ZNF705G: variants seen among roughly 807,000 people sequenced by gnomAD.
The protein encoded by ZNF705G is putative zinc finger protein 705G.
ZNF705G carries 23 observed loss-of-function variants against 19.6 expected under a neutral mutation model. The observed-to-expected ratio is 1.17, with a 90% confidence interval of 0.84 to 1.66. ZNF705G has a LOEUF of 1.66. ZNF705G is among the 40% of genes most tolerant of loss of function. ZNF705G has a pLI of 0.00. For missense variants in ZNF705G, 457 were observed against 354.4 expected, an observed-to-expected ratio of 1.29 and a Z score of -2.32; for synonymous variants, 146 against 117.7, an observed-to-expected ratio of 1.24 and a Z score of -1.56.
In ZNF705G at chr8:7,358,672, G is replaced by T. The variant is rs531021841; in HGVS notation, c.319-112C>A. 329 of 1,503,722 alleles carry T rather than the reference G, an allele frequency of 2.2e-4. 3 individuals carry two copies. Among genetic ancestry groups the T allele is most frequent in the South Asian group, 1.4e-3 (106 of 76,654 alleles). 93.1% of individuals were successfully genotyped at this position (1,503,722 alleles called of 1,614,324 possible). A position where few individuals can be genotyped will look rare whatever the true frequency, so the allele number is the denominator to read the frequency against. The stretch of plus-strand genomic sequence containing the variant: ...ATTCAGTGGTAGACCCCAGTTGAAA[G>T]CTTTCCAATGTTTCTTGTGTGAAAG... On this transcript the variant is annotated intron_variant, in intron 6 of 6. Coordinates refer to ENST00000400156, the MANE Select transcript of ZNF705G (RefSeq NM_001164457.3).
intron 2 of ZNF705G, among the ~76,000 whole-genome samples, chr8:7,372,086 A>C (rs2128843516): frequency 8.0e-6 from 1 of 125,612 alleles, no homozygotes; most frequent in South Asian, 3.1e-4. Context: ...AATAATAAGC[A>C]ATGAAAATAA....
intron 3 of ZNF705G, among the ~76,000 whole-genome samples, chr8:7,362,582 T>C (rs1806652663): frequency 6.7e-6 from 1 of 149,744 alleles, no homozygotes; most frequent in Non-Finnish European, 1.5e-5. Flanking sequence ...TATGAGATTA[T>C]AGGATGGATA....
At chr8:7,363,276 G>A (rs1806690679) in intron 2 of ZNF705G, among the ~76,000 whole-genome samples, 1 of 148,042 alleles carries the variant, frequency 6.8e-6, no homozygotes, top group African/African-American at 2.7e-5. Context: ...TATGTTAATT[G>A]GCACAAGTCC....
intron 2 of ZNF705G, among the ~76,000 whole-genome samples, chr8:7,365,621 C>G (rs1415483908): frequency 2.7e-5 from 4 of 149,292 alleles, no homozygotes; most frequent in African/African-American, 7.7e-5. Flanking sequence ...CCGCCAGCCT[C>G]CGCCTCTCAA....
intron 1 of ZNF705G, 111 bp downstream of exon 1, chr8:7,385,387 G>A (rs1381830625): frequency 1.3e-5 from 2 of 148,704 alleles, no homozygotes; most frequent in African/African-American, 5.2e-5. Context: ...TAAAGTGGAG[G>A]CTGAAATCTG....
chr8:7,365,086 A>T (rs1393737892), intron 2 of ZNF705G, among the ~76,000 whole-genome samples: 1 of 149,724 alleles, frequency 6.7e-6, no homozygotes, highest in African/African-American at 2.6e-5. Context: ...GAAAGGACAA[A>T]TATTATAAGA....
chr8:7,370,856 G>T (rs1337386188), intron 2 of ZNF705G, among the ~76,000 whole-genome samples: 1 of 108,482 alleles, frequency 9.2e-6, no homozygotes, highest in Non-Finnish European at 1.8e-5. Flanking sequence ...AATGTGGTAT[G>T]TAAACACCAT....
In ZNF705G at chr8:7,356,204, G is replaced by A. The variant is rs1279208116; in HGVS notation, c.*1772C>T. On this transcript the variant is annotated 3_prime_UTR_variant, in exon 7 of 7. Transcript: ENST00000400156. ...GGAAAAGTACATTGAATCAAATATA[G>A]GAAAGGCTTGCAAGGTGGCTGACAG... is the stretch of plus-strand genomic sequence containing the variant. 3 of 149,540 alleles carry A rather than the reference G, an allele frequency of 2.0e-5. No individual in the cohort carries two copies. Among genetic ancestry groups the A allele is most frequent in the Admixed American group, 1.3e-4 (2 of 15,218 alleles). The allele number at this position is 149,540 out of a possible 1,614,324, so 9.3% of individuals were successfully genotyped here.
intron 2 of ZNF705G, among the ~76,000 whole-genome samples, chr8:7,367,867 G>T (rs1028925995): frequency 2.7e-5 from 4 of 149,772 alleles, no homozygotes; most frequent in African/African-American, 7.7e-5. Context: ...GCCAGTAACT[G>T]GAATCTCTTC....
In ZNF705G at chr8:7,358,360, C is replaced by T. The variant is rs563672605; in HGVS notation, c.519G>A (p.Gln173=). The T allele has an allele frequency of 1.5e-5, 24 of 1,607,426 alleles. No homozygotes were observed. The highest frequency in any genetic ancestry group is 3.3e-5 in the Admixed American group (2 of 59,932). Residue 173 remains glutamine, a synonymous_variant, in exon 7 of 7, where the codon CAG becomes CAA. Transcript: ENST00000400156. ...KQIHTKGKSY[Q]CNLCEKAYTN... Reference sequence around the variant, plus strand: ...TATAGGCCTTTTCACATAGATTACACTGATATGATTTACCTTTAGTATGAA... The same window carrying T: ...TATAGGCCTTTTCACATAGATTACATTGATATGATTTACCTTTAGTATGAA...
chr8:7,362,574 T>C (rs1806652408), intron 3 of ZNF705G, among the ~76,000 whole-genome samples: 1 of 149,668 alleles, frequency 6.7e-6, no homozygotes, highest in African/African-American at 2.6e-5. Flanking sequence ...TATTTCCCTA[T>C]GAGATTATAG....
In ZNF705G at chr8:7,359,065, A is replaced by T. The variant is rs1265466117; in HGVS notation, c.319-505T>A. Among the ~76,000 whole-genome samples, 4 of 149,556 alleles carry T rather than the reference A, an allele frequency of 2.7e-5. No homozygotes were observed. In the South Asian group the frequency reaches 6.3e-4, roughly 24 times the overall value. On this transcript the variant is annotated intron_variant, in intron 6 of 6. Coordinates refer to ENST00000400156, the MANE Select transcript of ZNF705G (RefSeq NM_001164457.3). ...ATCTTATGTAAAAAAATCCAGATTCACTGAGCCAGAAAAATGCATGAATGA... is the reference window on the plus strand; with the variant it reads ...ATCTTATGTAAAAAAATCCAGATTCTCTGAGCCAGAAAAATGCATGAATGA...
chr8:7,384,924 T>C (rs766618012), intron 1 of ZNF705G, among the ~76,000 whole-genome samples: 156 of 146,342 alleles, frequency 1.1e-3, no homozygotes, highest in Middle Eastern at 0.01. Flanking sequence ...TCTGAGCAAG[T>C]CAATGCAGGT....
rs185049760 is a variant in ZNF705G, at chr8:7,359,669, T to A, written c.268A>T (p.Ile90Leu). 42 of 1,606,920 alleles carry A rather than the reference T, an allele frequency of 2.6e-5. No individual in the cohort carries two copies. In the African/African-American group the frequency reaches 4.5e-4, roughly 17 times the overall value. The change falls in exon 6 of 7, where the codon ATA (isoleucine) becomes TTA (leucine). Residue 90 changes from isoleucine (I) to leucine (L), a missense_variant. Transcript: ENST00000400156. ...RESALKKTHM[I>L]SMHPITRKDA... is the part of the protein sequence containing the mutation. ...TTTCTGGTGATAGGATGCATGGATATCATGTGTGTTTTCTTAAGGGCACTT... is the reference window on the plus strand; with the variant it reads ...TTTCTGGTGATAGGATGCATGGATAACATGTGTGTTTTCTTAAGGGCACTT...
intron 2 of ZNF705G, among the ~76,000 whole-genome samples, chr8:7,365,143 T>C (rs1255422783): frequency 6.7e-6 from 1 of 149,754 alleles, no homozygotes; most frequent in Non-Finnish European, 1.5e-5. Context: ...GTGGAATCTA[T>C]AAAAACTATT....
chr8:7,361,161 T>G lies in ZNF705G; in HGVS notation c.88A>C (p.Lys30Gln). The G allele has an allele frequency of 6.3e-7, 1 of 1,593,034 alleles. No homozygotes were observed. The highest frequency in any genetic ancestry group is 2.2e-5 in the East Asian group (1 of 44,854). Residue 30 changes from lysine (K) to glutamine (Q), a missense_variant, in exon 4 of 7, where the codon AAG (lysine) becomes CAG (glutamine). Transcript: ENST00000400156. ...TCCAGCATCACATCTCTGTACAGCTTTCTCTTGGATGTGTCCATCATGGCC... is the reference window on the plus strand; with the variant it reads ...TCCAGCATCACATCTCTGTACAGCTGTCTCTTGGATGTGTCCATCATGGCC... Reference protein sequence around the residue: ...EWAMMDTSKRKLYRDVMLENI... With the variant: ...EWAMMDTSKRQLYRDVMLENI...
At chr8:7,363,663 A>C (rs1390644583) in intron 2 of ZNF705G, among the ~76,000 whole-genome samples, 1 of 149,370 alleles carries the variant, frequency 6.7e-6, no homozygotes, top group Non-Finnish European at 1.5e-5. Flanking sequence ...TGTAGTAAAA[A>C]TACAAAAATT....
At chr8:7,362,629 C>A (rs200574001) in intron 3 of ZNF705G, among the ~76,000 whole-genome samples, 1 of 149,422 alleles carries the variant, frequency 6.7e-6, no homozygotes, top group Non-Finnish European at 1.5e-5. Flanking sequence ...CCTCTCATAT[C>A]TTTTTTTGTA....
rs749889738 is a variant in ZNF705G at position 7,384,272 on chromosome 8, C to A, written c.-222+1226G>T. On this transcript the variant is annotated intron_variant, in intron 1 of 6. Transcript: ENST00000400156. ...GTTTATTTGGTGATGGCTATAGTGTCAACCTCCTACTGTTTGTCTCAGGAA... is the reference window on the plus strand; with the variant it reads ...GTTTATTTGGTGATGGCTATAGTGTAAACCTCCTACTGTTTGTCTCAGGAA... Among the ~76,000 whole-genome samples, 67 of 143,520 alleles carry A rather than the reference C, an allele frequency of 4.7e-4. 3 individuals are homozygous for A. The highest frequency in any genetic ancestry group is 1.3e-3 in the South Asian group (6 of 4,678). 94.2% of individuals were successfully genotyped at this position (143,520 alleles called of 152,430 possible).
Sources: allele counts gnomAD v4.1 joint callset (sites outside exome capture counted in the v4.1 genomes callset), GRCh38; gene constraint gnomAD v4.1.1; transcripts MANE v1.5; gene names NCBI Gene and HGNC (gene_info 2026-07-23, HGNC 2026-07-21).